The following FNBP1L variants were observed in gnomAD, a reference collection of about 807,000 sequenced individuals.
The protein encoded by FNBP1L is formin binding protein 1 like.
In FNBP1L, 36 loss-of-function variants were observed where a neutral mutation model predicts 91.2. The ratio of observed to expected loss-of-function variants is 0.39; its 90% CI spans 0.30 to 0.52. The LOEUF (loss-of-function observed/expected upper bound fraction) is 0.52. Ranked by LOEUF, FNBP1L falls within the 20% of genes least tolerant of loss-of-function variation. The probability of loss-of-function intolerance (pLI) is 0.66; values close to 1 mark genes in which losing one functional copy is unlikely to be tolerated. For synonymous variants in FNBP1L, 242 were observed against 237.0 expected (o/e 1.02, Z -0.19); for missense variants, 571 against 732.1 (o/e 0.78, Z 2.54).
intron 1 of FNBP1L, among the ~76,000 whole-genome samples, chr1:93,474,985 C>G (rs1215398980): frequency 6.6e-6 from 1 of 151,844 alleles, no homozygotes; most frequent in East Asian, 2.0e-4. Context: ...GTCATGATAA[C>G]TGAATTCTAA....
At chr1:93,508,756 C>G (rs575841384) in intron 2 of FNBP1L, among the ~76,000 whole-genome samples, 1 of 152,218 alleles carries the variant, frequency 6.6e-6, no homozygotes, top group South Asian at 2.1e-4. Flanking sequence ...CTCTGTAGTA[C>G]TCATAATTCT....
intron 1 of FNBP1L, among the ~76,000 whole-genome samples, chr1:93,466,954 T>A (rs140580309): frequency 1.3e-5 from 2 of 152,146 alleles, no homozygotes; most frequent in African/African-American, 4.8e-5. Flanking sequence ...CCTCCCAGAT[T>A]CAAGCTATTC....
intron 1 of FNBP1L, among the ~76,000 whole-genome samples, chr1:93,489,823 C>T (rs1670037625): frequency 6.6e-6 from 1 of 152,080 alleles, no homozygotes; most frequent in Non-Finnish European, 1.5e-5. Flanking sequence ...TGTTTTAGCT[C>T]TATGAGACTG....
intron 11 of FNBP1L, among the ~76,000 whole-genome samples, chr1:93,543,075 T>C (rs1007172354): frequency 6.6e-6 from 1 of 152,168 alleles, no homozygotes; most frequent in Non-Finnish European, 1.5e-5. Flanking sequence ...ATTACAGGCG[T>C]GAGCCACTGC....
intron 16 of FNBP1L, 66 bp from the exon 17 acceptor site, chr1:93,552,343 A>G: frequency 6.3e-7 from 1 of 1,578,138 alleles, no homozygotes; most frequent in Non-Finnish European, 8.6e-7. Context: ...TTTAAACTGA[A>G]CACCCCTTTT....
intron 5 of FNBP1L, among the ~76,000 whole-genome samples, chr1:93,528,572 T>C (rs78277546): frequency 0.015 from 2,258 of 152,026 alleles, 28 homozygotes; most frequent in Non-Finnish European, 0.024. Context: ...TCTAGCAAAA[T>C]GAGGAAGTGA....
chr1:93,460,184 T>G (rs1668815195), intron 1 of FNBP1L, among the ~76,000 whole-genome samples: 1 of 152,202 alleles, frequency 6.6e-6, no homozygotes, highest in South Asian at 2.1e-4. Flanking sequence ...GTGATTAGTC[T>G]GTAAGGGCTC....
intron 1 of FNBP1L, among the ~76,000 whole-genome samples, chr1:93,491,135 A>T (rs1670077006): frequency 6.6e-6 from 1 of 151,554 alleles, no homozygotes; most frequent in South Asian, 2.1e-4. Context: ...TTTTTTAGAG[A>T]TGGTCTTGCT....
intron 5 of FNBP1L, among the ~76,000 whole-genome samples, chr1:93,528,732 T>C (rs1671575388): frequency 6.6e-6 from 1 of 152,084 alleles, no homozygotes; most frequent in Admixed American, 6.6e-5. Flanking sequence ...TTCCAGCAAG[T>C]TTAGAAGCCT....
intron 11 of FNBP1L, 35 bp downstream of exon 11, chr1:93,541,091 A>C: frequency 6.5e-7 from 1 of 1,526,870 alleles, no homozygotes; most frequent in Non-Finnish European, 8.8e-7. Context: ...TACTGTGCCA[A>C]CATTAAGTAA....
chr1:93,484,543 A>G (rs577578405), intron 1 of FNBP1L, among the ~76,000 whole-genome samples: 7 of 152,282 alleles, frequency 4.6e-5, no homozygotes, highest in African/African-American at 1.4e-4. Context: ...CCTGTTCGCT[A>G]ATTATGTTCT....
intron 2 of FNBP1L, among the ~76,000 whole-genome samples, chr1:93,514,563 C>A (rs1193837879): frequency 1.3e-5 from 2 of 152,130 alleles, no homozygotes; most frequent in Non-Finnish European, 2.9e-5. Context: ...CTGGTACCAA[C>A]ACAGAGATGT....
At chr1:93,519,620 G>C (rs1368898647) in intron 2 of FNBP1L, among the ~76,000 whole-genome samples, 5 of 152,128 alleles carry the variant, frequency 3.3e-5, no homozygotes. Context: ...TGTAAATTAT[G>C]TACATGTATT....
At chr1:93,499,696 A>G in intron 2 of FNBP1L, 113 bp downstream of exon 2, 1 of 661,518 alleles carries the variant, frequency 1.5e-6, no homozygotes, top group East Asian at 2.9e-5. Flanking sequence ...TCAGAATTAG[A>G]TTGAATTAGG....
intron 2 of FNBP1L, among the ~76,000 whole-genome samples, chr1:93,507,048 A>G (rs1352286503): frequency 1.3e-5 from 2 of 148,656 alleles, no homozygotes; most frequent in Non-Finnish European, 3.0e-5. Flanking sequence ...GTACATAGAA[A>G]AACATGGAAC....
At position 93,547,422 on chromosome 1, in the gene FNBP1L, G is replaced by GT; in HGVS notation, c.1484dup (p.Thr496AsnfsTer8). The GT allele has an allele frequency of 6.4e-7, 1 of 1,556,444 alleles. No individual in the cohort carries two copies. Among genetic ancestry groups the GT allele is most frequent in the Non-Finnish European group, 8.7e-7 (1 of 1,149,272 alleles). On this transcript the variant is annotated frameshift_variant, in exon 14 of 17. Coordinates refer to ENST00000271234, the MANE Select transcript of FNBP1L (RefSeq NM_001164473.3). LOFTEE classifies it high-confidence loss of function. ...ACATAGCAGTGACATAAATCATCTTGTAACACAGGGACGAGAAAGGTGATT... is the reference window on the plus strand; with the variant it reads ...ACATAGCAGTGACATAAATCATCTTGTTAACACAGGGACGAGAAAGGTGATT...
chr1:93,529,028 G>A (rs1277087504), intron 5 of FNBP1L, among the ~76,000 whole-genome samples: 3 of 152,034 alleles, frequency 2.0e-5, no homozygotes, highest in Non-Finnish European at 4.4e-5. Flanking sequence ...CTGGGCTGAT[G>A]TTCTTCGTGG....
chr1:93,552,249 G>T (rs1032616026), intron 16 of FNBP1L, 160 bp from the exon 17 acceptor site: 1 of 1,420,848 alleles, frequency 7.0e-7, no homozygotes, highest in African/African-American at 1.4e-5. Flanking sequence ...AGTAAGATTG[G>T]TTTTTAATTT....
In FNBP1L at chr1:93,507,780, C is replaced by T. The variant is rs181779485; in HGVS notation, c.140+8197C>T. Among the ~76,000 whole-genome samples, 64 of 152,042 alleles carry T rather than the reference C, an allele frequency of 4.2e-4. 1 individual carries two copies. The Middle Eastern group carries it at 0.014, about 32-fold the overall frequency. On this transcript the variant is annotated intron_variant, in intron 2 of 16. Transcript: ENST00000271234. ...TCTCCTGCCTCAGCCTCCCTAGTAG[C>T]GGGGATTATAGGTGTACACCACCGC...
Sources: gnomAD v4.1 joint callset for allele counts (sites outside exome capture counted in the v4.1 genomes callset) on GRCh38, gnomAD v4.1.1 for gene constraint, MANE v1.5 for transcripts, NCBI Gene and HGNC (gene_info 2026-07-23, HGNC 2026-07-21) for gene names.